Variants in EIF4G3 observed in about 807,000 individuals in gnomAD.
EIF4G3 encodes the protein eIF-4-gamma 3.
In EIF4G3, 34 loss-of-function variants were observed where a neutral mutation model predicts 186.4. The ratio of observed to expected loss-of-function variants is 0.18; its 90% CI spans 0.14 to 0.24. EIF4G3 has a LOEUF of 0.24. EIF4G3 is among the 10% of genes least tolerant of loss of function. EIF4G3 has a pLI of 1.00. For missense variants in EIF4G3, 1,536 were observed against 1,948.5 expected (o/e 0.79, Z 3.99); for synonymous variants, 673 against 679.5 (o/e 0.99, Z 0.15).
intron 8 of EIF4G3, 22 bp from the exon 9 acceptor site, chr1:20,981,249 A>T: frequency 6.5e-7 from 1 of 1,526,796 alleles, no homozygotes; most frequent in Admixed American, 2.1e-5. Flanking sequence ...AGAAAAAAAA[A>T]ATTTTTTTTT....
chr1:20,972,506 T>C (rs976215802), intron 11 of EIF4G3, among the ~76,000 whole-genome samples: 2 of 152,044 alleles, frequency 1.3e-5, no homozygotes, highest in Non-Finnish European at 2.9e-5. Context: ...TGGTGGCTTG[T>C]GCCTGTAGTC....
chr1:21,104,214 A>T (rs1401099230), intron 2 of EIF4G3, among the ~76,000 whole-genome samples: 4 of 152,180 alleles, frequency 2.6e-5, no homozygotes, highest in Non-Finnish European at 5.9e-5. Flanking sequence ...CTAGAAAGAC[A>T]AATGCTTAAA....
At chr1:20,891,874 T>C (rs1207030618) in intron 18 of EIF4G3, among the ~76,000 whole-genome samples, 8 of 151,888 alleles carry the variant, frequency 5.3e-5, no homozygotes, top group African/African-American at 1.9e-4. Flanking sequence ...TTTAGAAAAA[T>C]TTTAATTTAG....
In EIF4G3 at chr1:21,002,662, A is replaced by G. The variant is rs1182691680; in HGVS notation, c.30+51T>C. Reference sequence around the variant, plus strand: ...GCCAAAGAAACCCAAGCCACTACACACACAAACACAGGTAGAGAATGTAAT... The same window carrying G: ...GCCAAAGAAACCCAAGCCACTACACGCACAAACACAGGTAGAGAATGTAAT... On this transcript the variant is annotated intron_variant, in intron 5 of 36. Transcript: ENST00000602326. 3.2e-6 allele frequency: 5 copies of G among 1,584,346 alleles called. No individual in the cohort carries two copies. The East Asian group carries it at 6.8e-5, about 21-fold the overall frequency.
At chr1:21,007,703 T>C (rs1003200074) in intron 4 of EIF4G3, among the ~76,000 whole-genome samples, 2 of 151,526 alleles carry the variant, frequency 1.3e-5, no homozygotes, top group African/African-American at 2.4e-5. Context: ...CAAAAGCAAA[T>C]TGTAGAATTT....
At chr1:20,853,439 C>A in intron 27 of EIF4G3, 121 bp downstream of exon 27, 4 of 595,588 alleles carry the variant, frequency 6.7e-6, no homozygotes, top group Non-Finnish European at 9.1e-6. Flanking sequence ...TTAAAGAAAT[C>A]AACTTTAGGA....
At chr1:21,014,187 G>A (rs1195102136) in intron 4 of EIF4G3, among the ~76,000 whole-genome samples, 1 of 152,132 alleles carries the variant, frequency 6.6e-6, no homozygotes, top group African/African-American at 2.4e-5. Context: ...ACAAGTTGTT[G>A]TTGTTCTGAA....
At chr1:20,898,226 G>C (rs2089028076) in intron 16 of EIF4G3, among the ~76,000 whole-genome samples, 1 of 152,096 alleles carries the variant, frequency 6.6e-6, no homozygotes, top group South Asian at 2.1e-4. Context: ...AAAGTGGTAA[G>C]GGCTGGGCAT....
intron 2 of EIF4G3, among the ~76,000 whole-genome samples, chr1:21,141,921 C>A (rs1242807754): frequency 1.3e-5 from 2 of 151,398 alleles, no homozygotes; most frequent in Non-Finnish European, 2.9e-5. Flanking sequence ...TGCAACAGAG[C>A]AAGACCCTGT....
intron 4 of EIF4G3, among the ~76,000 whole-genome samples, chr1:21,018,893 A>G (rs2089970515): frequency 6.6e-6 from 1 of 151,324 alleles, no homozygotes. Flanking sequence ...CTTCTTGTAT[A>G]GCCTACAGAA....
intron 19 of EIF4G3, among the ~76,000 whole-genome samples, chr1:20,881,663 T>A (rs2082362977): frequency 6.6e-6 from 1 of 151,822 alleles, no homozygotes; most frequent in African/African-American, 2.4e-5. Context: ...GGCACGCACC[T>A]GTAGTTCCAG....
chr1:21,004,795 CT>C (rs1445293419), intron 4 of EIF4G3, among the ~76,000 whole-genome samples: 1 of 151,538 alleles, frequency 6.6e-6, no homozygotes, highest in Non-Finnish European at 1.5e-5. Flanking sequence ...ATTTCTTTTT[CT>C]TTTTTTTAAT....
At chr1:21,112,870 A>G (rs1355363990) in intron 2 of EIF4G3, among the ~76,000 whole-genome samples, 1 of 152,206 alleles carries the variant, frequency 6.6e-6, no homozygotes, top group Non-Finnish European at 1.5e-5. Context: ...CTACTTATCC[A>G]GTATCGTAAG....
chr1:20,876,924 G>A lies in EIF4G3; in HGVS notation c.2622+2399C>T, dbSNP rs553064244. ...GAGCCCAGGAGTTTGAAGCCTCAGT[G>A]AGCTATGATCATGCTACTGGACTCC... On this transcript the variant is annotated intron_variant, in intron 20 of 36. Coordinates refer to ENST00000602326, the MANE Select transcript of EIF4G3 (RefSeq NM_001391906.1). 3.3e-5 allele frequency among the ~76,000 whole-genome samples: 5 copies of A among 152,292 alleles called. No individual in the cohort carries two copies. In the East Asian group the frequency reaches 9.6e-4, roughly 29 times the overall value.
At chr1:21,133,721 A>G (rs2097193254) in intron 2 of EIF4G3, among the ~76,000 whole-genome samples, 1 of 152,234 alleles carries the variant, frequency 6.6e-6, no homozygotes, top group South Asian at 2.1e-4. Context: ...AGCTAATAAC[A>G]GCAACTGTTT....
In EIF4G3 at chr1:20,827,673, C is replaced by T. The variant is rs1357443483; in HGVS notation, c.4213G>A (p.Val1405Ile). The change falls in exon 32 of 37, where the codon GTT becomes ATT. Residue 1405 changes from valine to isoleucine, a missense_variant. Val to Ile is a conservative substitution (Grantham distance 29). This residue lies in a region of EIF4G3 where 395 missense variants were observed against 498.9 expected (regional missense o/e 0.79). Transcript: ENST00000602326. Reference protein sequence around the residue: ...TIEFSKPLLPVGRAGVLLSEI... With the variant: ...TIEFSKPLLPIGRAGVLLSEI... Reference sequence around the variant, plus strand: ...GATAGCAAGACCCCAGCTCTTCCAACAGGAAGTAAAGGTTTGCTAAATTCT... The same window carrying T: ...GATAGCAAGACCCCAGCTCTTCCAATAGGAAGTAAAGGTTTGCTAAATTCT... 2.5e-6 allele frequency: 4 copies of T among 1,612,130 alleles called. No individual in the cohort carries two copies. Among genetic ancestry groups the T allele is most frequent in the Non-Finnish European group, 3.4e-6 (4 of 1,178,460 alleles).
At chr1:21,033,572 T>G (rs2092925833) in intron 4 of EIF4G3, among the ~76,000 whole-genome samples, 1 of 152,224 alleles carries the variant, frequency 6.6e-6, no homozygotes, top group African/African-American at 2.4e-5. Flanking sequence ...TGGCAGGACT[T>G]CCACGTGGAA....
intron 30 of EIF4G3, among the ~76,000 whole-genome samples, chr1:20,835,534 G>C (rs1385160788): frequency 6.6e-6 from 1 of 151,572 alleles, no homozygotes; most frequent in African/African-American, 2.4e-5. Flanking sequence ...TGAAAGAGGA[G>C]ATATTACAAC....
At chr1:21,071,889 A>C (rs2095453616) in intron 3 of EIF4G3, among the ~76,000 whole-genome samples, 1 of 152,182 alleles carries the variant, frequency 6.6e-6, no homozygotes, top group African/African-American at 2.4e-5. Context: ...TTTCCCAAAT[A>C]AGTTAAAGAC....
Sources: gnomAD v4.1 joint callset for allele counts (sites outside exome capture counted in the v4.1 genomes callset) on GRCh38, gnomAD v4.1.1 for gene constraint, gnomAD v4.1.1 regional missense constraint, MANE v1.5 for transcripts, NCBI Gene and HGNC (gene_info 2026-07-23, HGNC 2026-07-21) for gene names.